The following COL22A1 variants were observed in gnomAD, a reference collection of about 807,000 sequenced individuals.
COL22A1 encodes the protein collagen type XXII alpha 1 chain.
Under a neutral mutation model 248.9 loss-of-function variants are expected in COL22A1, and 221 were observed. The observed-to-expected ratio is 0.89, with a 90% CI of 0.80 to 0.99. The LOEUF is 0.99. COL22A1 is among the 50% of genes least tolerant of loss of function. COL22A1 has a pLI of 0.00. For synonymous variants in COL22A1, 891 were observed against 793.4 expected (o/e 1.12, Z -2.07); for missense variants, 2,240 against 2,179.0 (o/e 1.03, Z -0.56).
chr8:138,888,348 G>T (rs1234283752), intron 1 of COL22A1, among the ~76,000 whole-genome samples: 1 of 152,156 alleles, frequency 6.6e-6, no homozygotes, highest in Non-Finnish European at 1.5e-5. Flanking sequence ...GGAAGGTCAG[G>T]CTTCCCAGCT....
chr8:138,883,824 C>A (rs1824431266), intron 1 of COL22A1, among the ~76,000 whole-genome samples: 1 of 152,164 alleles, frequency 6.6e-6, no homozygotes, highest in Non-Finnish European at 1.5e-5. Flanking sequence ...GTCAATGAAA[C>A]CTCTTTCGTT....
At chr8:138,661,987 T>C (rs370826271) in intron 43 of COL22A1, 43 bp downstream of exon 43, 57 of 1,537,598 alleles carry the variant, frequency 3.7e-5, no homozygotes, top group Non-Finnish European at 4.4e-5. Flanking sequence ...TCAGGGGTCA[T>C]GTAAGGGCCT....
chr8:138,653,078 T>A (rs1298791961), intron 45 of COL22A1, among the ~76,000 whole-genome samples: 1 of 152,082 alleles, frequency 6.6e-6, no homozygotes, highest in Admixed American at 6.5e-5. Context: ...ACTCAGCTTG[T>A]TAGGTCATTG....
intron 44 of COL22A1, among the ~76,000 whole-genome samples, chr8:138,659,664 G>A (rs1054160363): frequency 6.6e-6 from 1 of 152,166 alleles, no homozygotes; most frequent in Non-Finnish European, 1.5e-5. Context: ...AGGCTACTCA[G>A]CTAAACCATT....
intron 47 of COL22A1, among the ~76,000 whole-genome samples, chr8:138,642,575 G>A (rs536237339): frequency 1.3e-5 from 2 of 152,248 alleles, no homozygotes; most frequent in African/African-American, 4.8e-5. Flanking sequence ...AATATTTAAA[G>A]GAGCAAACCC....
chr8:138,859,099 T>G (rs959195383), intron 3 of COL22A1, among the ~76,000 whole-genome samples: 2 of 152,158 alleles, frequency 1.3e-5, no homozygotes, highest in Non-Finnish European at 2.9e-5. Context: ...CCTGCCTCTT[T>G]TAGTCTGTGG....
chr8:138,852,035 A>G (rs1477751074), intron 3 of COL22A1, among the ~76,000 whole-genome samples: 3 of 151,948 alleles, frequency 2.0e-5, no homozygotes, highest in Admixed American at 6.6e-5. Context: ...GGAGGCAACT[A>G]CAGGAAGGCA....
At chr8:138,706,638 G>C (rs531653428) in intron 30 of COL22A1, among the ~76,000 whole-genome samples, 211 of 152,284 alleles carry the variant, frequency 1.4e-3, no homozygotes, top group Non-Finnish European at 2.6e-3. Context: ...ATTCAAAGCA[G>C]TGTGTAAAGG....
rs1163484782 is a variant in COL22A1 at position 138,878,154 on chromosome 8, C to T, written c.254G>A (p.Arg85Gln). The T allele has an allele frequency of 7.5e-6, 12 of 1,605,518 alleles. No homozygotes were observed. Among genetic ancestry groups the T allele is most frequent in the African/African-American group, 2.7e-5 (2 of 75,006 alleles). Residue 85 changes from arginine (R) to glutamine (Q), a missense_variant, in exon 3 of 65, where the codon CGG becomes CAG. By Grantham distance (43) the Arg-to-Gln change is conservative. Coordinates refer to ENST00000303045, the MANE Select transcript of COL22A1 (RefSeq NM_152888.3). ...TRVGVVRYSD[R>Q]PTTAFELGLF... ...TCCCAACTCGAAGGCCGTGGTGGGCCGGTCGCTGTAGCGCACGACCCCCAC... is the reference window on the plus strand; with the variant it reads ...TCCCAACTCGAAGGCCGTGGTGGGCTGGTCGCTGTAGCGCACGACCCCCAC...
At chr8:138,901,052 G>A (rs1814514400) in intron 1 of COL22A1, among the ~76,000 whole-genome samples, 1 of 151,782 alleles carries the variant, frequency 6.6e-6, no homozygotes, top group Non-Finnish European at 1.5e-5. Flanking sequence ...CATCTTATTA[G>A]CTATAACACT....
At chr8:138,833,177 A>C (rs762382513) in intron 4 of COL22A1, 27 bp from the exon 5 acceptor site, 2 of 1,489,374 alleles carry the variant, frequency 1.3e-6, no homozygotes, top group East Asian at 4.5e-5. Context: ...GCTGGGAGTG[A>C]GTTTGGAGAA....
intron 16 of COL22A1, among the ~76,000 whole-genome samples, chr8:138,769,357 A>C (rs1834170968): frequency 6.6e-6 from 1 of 152,088 alleles, no homozygotes; most frequent in South Asian, 2.1e-4. Context: ...GGCAGCTCCC[A>C]CCCACCCAAT....
At chr8:138,745,016 G>GGGAA (rs1399302821) in intron 22 of COL22A1, among the ~76,000 whole-genome samples, 1 of 152,142 alleles carries the variant, frequency 6.6e-6, no homozygotes. Flanking sequence ...CACCCGCTGT[G>GGGAA]GGAAGAGCAA....
intron 1 of COL22A1, among the ~76,000 whole-genome samples, chr8:138,904,312 A>G (rs1012494546): frequency 6.6e-6 from 1 of 151,940 alleles, no homozygotes; most frequent in African/African-American, 2.4e-5. Flanking sequence ...CCAACGGCCA[A>G]CTTCCAAAAG....
At chr8:138,891,949 T>C (rs1007298704) in intron 1 of COL22A1, among the ~76,000 whole-genome samples, 1 of 152,206 alleles carries the variant, frequency 6.6e-6, no homozygotes, top group Non-Finnish European at 1.5e-5. Context: ...CATTAATTGA[T>C]TTTCAGATGT....
intron 23 of COL22A1, among the ~76,000 whole-genome samples, chr8:138,734,343 G>A (rs912252675): frequency 2.6e-5 from 4 of 152,116 alleles, no homozygotes; most frequent in Non-Finnish European, 5.9e-5. Context: ...TAGATTTTAC[G>A]TCCCCAGGGC....
At chr8:138,854,051 G>A (rs1322300899) in intron 3 of COL22A1, among the ~76,000 whole-genome samples, 5 of 152,224 alleles carry the variant, frequency 3.3e-5, no homozygotes, top group Non-Finnish European at 7.3e-5. Flanking sequence ...TAGCTTGGTA[G>A]AGATGGTGGC....
intron 1 of COL22A1, among the ~76,000 whole-genome samples, chr8:138,906,726 C>A (rs1469296639): frequency 6.6e-6 from 1 of 151,496 alleles, no homozygotes; most frequent in African/African-American, 2.4e-5. Context: ...GATCTCAGCT[C>A]ACTGTAACCT....
chr8:138,647,762 A>T (rs1822339103), intron 46 of COL22A1, among the ~76,000 whole-genome samples: 1 of 152,166 alleles, frequency 6.6e-6, no homozygotes, highest in African/African-American at 2.4e-5. Flanking sequence ...CATCAGAATC[A>T]CTGTGTAGCA....
Sources: gnomAD v4.1 joint callset for allele counts (sites outside exome capture counted in the v4.1 genomes callset) on GRCh38, gnomAD v4.1.1 for gene constraint, MANE v1.5 for transcripts, NCBI Gene and HGNC (gene_info 2026-07-23, HGNC 2026-07-21) for gene names.